The following RERE variants were observed in gnomAD, a reference collection of about 807,000 sequenced individuals.
The protein encoded by RERE is arginine-glutamic acid dipeptide repeats protein.
RERE carries 40 observed loss-of-function variants against 146.1 expected under a neutral mutation model. That is an observed-to-expected ratio of 0.27 (90% CI 0.21 to 0.36). RERE has a LOEUF of 0.36. Ranked by LOEUF, RERE falls within the 10% of genes least tolerant of loss-of-function variation. The pLI, the probability that RERE is intolerant of heterozygous loss-of-function variation, is 1.00. For synonymous variants in RERE, 1,003 were observed against 866.0 expected (o/e 1.16, Z -2.78); for missense variants, 1,933 against 2,138.7 (o/e 0.90, Z 1.90).
chr1:8,423,056 T>G lies in RERE; in HGVS notation c.1204-249A>C. On this transcript the variant is annotated intron_variant, in intron 11 of 22. Coordinates refer to ENST00000400908, the MANE Select transcript of RERE (RefSeq NM_001042681.2). The surrounding 1 kb of genome is among the most constrained non-coding windows in gnomAD (Gnocchi z 5.4). ...CAGCGCGTTTAAGAGAAGGACGTCC[T>G]GCGTCTGAGGCTAAGAAGCAATCTG... The G allele has an allele frequency of 6.4e-6, 3 of 469,806 alleles. No homozygotes were observed. The highest frequency in any genetic ancestry group is 6.0e-4 in the Middle Eastern group (1 of 1,680). The allele number at this position is 469,806 out of a possible 1,614,324, so 29.1% of individuals were successfully genotyped here. A position where few individuals can be genotyped will look rare whatever the true frequency, so the allele number is the denominator to read the frequency against.
chr1:8,356,801 G>A lies in RERE; in HGVS notation c.4340-555C>T, dbSNP rs1641313366. Among the ~76,000 whole-genome samples the A allele has an allele frequency of 6.6e-6, 1 of 152,100 alleles. No individual in the cohort carries two copies. The highest frequency in any genetic ancestry group is 2.1e-4 in the South Asian group (1 of 4,830). On this transcript the variant is annotated intron_variant, in intron 20 of 22. Transcript: ENST00000400908. The surrounding 1 kb of genome is among the most constrained non-coding windows in gnomAD (Gnocchi z 5.2). Reference sequence around the variant, plus strand: ...AACGTTGCCTTGATCTGACCTCACTGCACCACCTCCTGCCCTCACCTCCTA... The same window carrying A: ...AACGTTGCCTTGATCTGACCTCACTACACCACCTCCTGCCCTCACCTCCTA...
intron 11 of RERE, among the ~76,000 whole-genome samples, chr1:8,441,058 C>A (rs1303230157): frequency 6.6e-6 from 1 of 151,704 alleles, no homozygotes; most frequent in Non-Finnish European, 1.5e-5. Context: ...AGATGATAAA[C>A]CCTTGGAGGG....
At chr1:8,532,165 T>G (rs1474079075) in intron 7 of RERE, among the ~76,000 whole-genome samples, 1 of 152,224 alleles carries the variant, frequency 6.6e-6, no homozygotes, top group Non-Finnish European at 1.5e-5. Context: ...CATTCTTATA[T>G]TCTATAAATT....
chr1:8,418,944 G>A (rs1182512707), intron 12 of RERE, among the ~76,000 whole-genome samples: 1 of 152,070 alleles, frequency 6.6e-6, no homozygotes, highest in African/African-American at 2.4e-5. Context: ...GACACCGGGC[G>A]CTCTGTGACT....
chr1:8,507,200 G>A (rs1398966553), intron 8 of RERE, among the ~76,000 whole-genome samples: 1 of 152,200 alleles, frequency 6.6e-6, no homozygotes, highest in Non-Finnish European at 1.5e-5. Flanking sequence ...TTCAGCCCAG[G>A]AGGAGGTCAA....
At chr1:8,549,103 T>A (rs1436307651) in intron 6 of RERE, among the ~76,000 whole-genome samples, 1 of 152,230 alleles carries the variant, frequency 6.6e-6, no homozygotes, top group Non-Finnish European at 1.5e-5. Context: ...ATCCTAGCTC[T>A]GCCTGCTAAC....
chr1:8,359,935 C>A lies in RERE; in HGVS notation c.3447G>T (p.Leu1149=), dbSNP rs1306889989. 6.2e-7 allele frequency: 1 copy of A among 1,613,228 alleles called. No homozygotes were observed. Among genetic ancestry groups the A allele is most frequent in the East Asian group, 2.2e-5 (1 of 44,878 alleles). ...TGGACCCGGCCAGAGGCATGAAGTA[C>A]AGGTCTGTCCGGGCACACGAGTTGT... ...RGYNSCARTD[L]YFMPLAGSKL... Residue 1149 remains leucine (L), a synonymous_variant, in exon 19 of 23, where the codon CTG becomes CTT. Coordinates refer to ENST00000400908, the MANE Select transcript of RERE (RefSeq NM_001042681.2).
At chr1:8,803,799 T>C (rs1641634160) in intron 1 of RERE, among the ~76,000 whole-genome samples, 1 of 151,906 alleles carries the variant, frequency 6.6e-6, no homozygotes, top group Non-Finnish European at 1.5e-5. Context: ...TGGGCTCAAG[T>C]GATCTGCCTG....
chr1:8,551,448 G>T (rs1394545618), intron 6 of RERE, among the ~76,000 whole-genome samples: 1 of 152,152 alleles, frequency 6.6e-6, no homozygotes, highest in East Asian at 1.9e-4. Context: ...TCCCTAAGCT[G>T]AACTCTTCTC....
rs867563574 is a variant in RERE at position 8,614,358 on chromosome 1, C to T, written c.522+203G>A. ...GGTGCCAAAATACCCTTCCACCAAA[C>T]CCCGCTAACTTCTGGAACTGTCCTA... On this transcript the variant is annotated intron_variant, in intron 4 of 22. Coordinates refer to ENST00000400908, the MANE Select transcript of RERE (RefSeq NM_001042681.2). 2.0e-3 allele frequency among the ~76,000 whole-genome samples: 301 copies of T among 152,264 alleles called. 3 individuals carry two copies. In the Middle Eastern group the frequency reaches 0.027, roughly 14 times the overall value.
intron 7 of RERE, among the ~76,000 whole-genome samples, chr1:8,517,612 A>C (rs1439253816): frequency 6.6e-6 from 1 of 152,226 alleles, no homozygotes; most frequent in Non-Finnish European, 1.5e-5. Flanking sequence ...ATATGAAAAA[A>C]ATAGTTCCAG....
chr1:8,482,581 CTGAGGCAGGA>C (rs1426569210), intron 10 of RERE, among the ~76,000 whole-genome samples: 1 of 143,304 alleles, frequency 7.0e-6, no homozygotes, highest in African/African-American at 2.5e-5. Context: ...ACTTGGGAGG[CTGAGGCAGGA>C]GAATGGCGTG....
intron 12 of RERE, among the ~76,000 whole-genome samples, chr1:8,413,460 A>G (rs537510959): frequency 3.9e-5 from 6 of 152,148 alleles, no homozygotes; most frequent in Admixed American, 3.3e-4. Flanking sequence ...CTCCCACCTC[A>G]GCCTCCCGAG....
intron 11 of RERE, among the ~76,000 whole-genome samples, chr1:8,437,770 C>T (rs1281423085): frequency 6.6e-6 from 1 of 152,244 alleles, no homozygotes; most frequent in East Asian, 1.9e-4. Context: ...ATACAATGGG[C>T]TGCATGCAGA....
chr1:8,633,697 C>T (rs1647062640), intron 2 of RERE, among the ~76,000 whole-genome samples: 1 of 152,048 alleles, frequency 6.6e-6, no homozygotes, highest in Non-Finnish European at 1.5e-5. Flanking sequence ...GAAGCCGAGG[C>T]AGGTGGATCG....
chr1:8,418,800 C>G (rs1380287722), intron 12 of RERE, among the ~76,000 whole-genome samples: 1 of 152,154 alleles, frequency 6.6e-6, no homozygotes, highest in Admixed American at 6.5e-5. Flanking sequence ...TTAAGATTCT[C>G]TATTAGGCCT....
intron 4 of RERE, among the ~76,000 whole-genome samples, chr1:8,575,556 TATA>T (rs1391691810): frequency 0.12 from 9,797 of 81,522 alleles, 552 homozygotes; most frequent in Non-Finnish European, 0.17. Flanking sequence ...TATATATATA[TATA>T]TATTTTTTTT....
chr1:8,450,245 T>C (rs951380629), intron 11 of RERE, among the ~76,000 whole-genome samples: 1 of 151,970 alleles, frequency 6.6e-6, no homozygotes, highest in Non-Finnish European at 1.5e-5. Flanking sequence ...AAACTCTATC[T>C]TCTCGTACCT....
rs578038774 is a variant in RERE at position 8,801,261 on chromosome 1, A to C, written c.-145+15899T>G. On this transcript the variant is annotated intron_variant, in intron 1 of 22. Coordinates refer to ENST00000400908, the MANE Select transcript of RERE (RefSeq NM_001042681.2). ...GACGGCAAAACAAGACCCTGTCTCA[A>C]AAAAAATTGTTCTTTTTTTTTTTTT... Among the ~76,000 whole-genome samples the C allele has an allele frequency of 3.5e-5, 4 of 115,332 alleles. No individual in the cohort carries two copies. In the East Asian group the frequency reaches 6.0e-4, roughly 17 times the overall value. The allele number at this position is 115,332 out of a possible 152,430, so 75.7% of individuals were successfully genotyped here.
Sources: allele counts gnomAD v4.1 joint callset (sites outside exome capture counted in the v4.1 genomes callset), GRCh38; gene constraint gnomAD v4.1.1; non-coding constraint Gnocchi (gnomAD v3.1); transcripts MANE v1.5; gene names NCBI Gene and HGNC (gene_info 2026-07-23, HGNC 2026-07-21).